WDR64: variants seen among roughly 807,000 people sequenced by gnomAD.
The protein encoded by WDR64 is WD repeat domain 64.
WDR64 carries 112 observed loss-of-function variants against 139.3 expected under a neutral mutation model. The observed-to-expected ratio is 0.80, with a 90% CI of 0.69 to 0.94. WDR64 has a LOEUF of 0.94. Among genes scored for constraint, WDR64 ranks in the 40% least tolerant of loss-of-function variants. The pLI, the probability that WDR64 is intolerant of heterozygous loss-of-function variation, is 0.00. For synonymous variants in WDR64, 444 were observed against 437.7 expected (o/e 1.01, Z -0.18); for missense variants, 1,206 against 1,293.1 (o/e 0.93, Z 1.03).
intron 8 of WDR64, among the ~76,000 whole-genome samples, chr1:241,692,805 C>T (rs1667349895): frequency 6.6e-6 from 1 of 151,942 alleles, no homozygotes; most frequent in African/African-American, 2.4e-5. Flanking sequence ...GGGAAATAAG[C>T]ATAAGAAAGG....
chr1:241,768,045 A>G (rs978637519), intron 16 of WDR64, among the ~76,000 whole-genome samples: 7 of 152,244 alleles, frequency 4.6e-5, no homozygotes, highest in Non-Finnish European at 1.0e-4. Flanking sequence ...GAAATCAGAT[A>G]GACTAAGAAG....
intron 16 of WDR64, among the ~76,000 whole-genome samples, chr1:241,767,932 C>A (rs1658254446): frequency 6.6e-6 from 1 of 152,084 alleles, no homozygotes; most frequent in South Asian, 2.1e-4. Flanking sequence ...ACATTGTCTA[C>A]CTGCCACTTG....
intron 20 of WDR64, among the ~76,000 whole-genome samples, chr1:241,773,484 T>G (rs751560538): frequency 2.6e-5 from 4 of 152,212 alleles, no homozygotes; most frequent in Non-Finnish European, 4.4e-5. Flanking sequence ...TTGTTTGTTT[T>G]TTTAAGATGG....
chr1:241,750,495 T>A (rs1669938845), intron 14 of WDR64, among the ~76,000 whole-genome samples: 1 of 152,208 alleles, frequency 6.6e-6, no homozygotes, highest in Non-Finnish European at 1.5e-5. Context: ...CTTGTCTGAG[T>A]AATCCAAAAT....
intron 24 of WDR64, among the ~76,000 whole-genome samples, chr1:241,789,890 TA>T (rs148644236): frequency 0.041 from 6,266 of 151,958 alleles, 339 homozygotes; most frequent in East Asian, 0.28. Context: ...AAATAAAAGT[TA>T]AAAAAAATAG....
intron 2 of WDR64, among the ~76,000 whole-genome samples, chr1:241,668,801 C>T (rs79310779): frequency 0.032 from 4,879 of 151,708 alleles, 98 homozygotes; most frequent in Non-Finnish European, 0.052. Context: ...TCCAGCTACT[C>T]GGGCAGGAGA....
In WDR64 at chr1:241,744,466, C is replaced by T. The variant is rs1669673012; in HGVS notation, c.1544C>T (p.Ser515Phe). The T allele has an allele frequency of 3.7e-6, 6 of 1,614,050 alleles. No individual in the cohort carries two copies. In the East Asian group the frequency reaches 1.3e-4, roughly 36 times the overall value. The change falls in exon 13 of 28, where the codon TCT becomes TTT. Residue 515 changes from serine to phenylalanine, a missense_variant. Transcript: ENST00000437684. ...EPHGFNTEVT[S>F]AAVDESGFLF... The stretch of plus-strand genomic sequence containing the variant: ...CATGGTTTCAATACTGAAGTGACTT[C>T]TGCAGCTGTCGATGAAAGTGGATTT...
chr1:241,733,670 A>C (rs1370577230), intron 10 of WDR64, among the ~76,000 whole-genome samples: 1 of 150,702 alleles, frequency 6.6e-6, no homozygotes, highest in Non-Finnish European at 1.5e-5. Flanking sequence ...TATGTATATA[A>C]TATTTAATTT....
At chr1:241,677,057 T>G (rs1008821929) in intron 4 of WDR64, among the ~76,000 whole-genome samples, 1 of 152,182 alleles carries the variant, frequency 6.6e-6, no homozygotes, top group African/African-American at 2.4e-5. Context: ...AATTCATAAT[T>G]TAGGCTCTAT....
At chr1:241,783,423 G>A (rs1274934667) in intron 23 of WDR64, 42 bp downstream of exon 23, 3 of 1,440,264 alleles carry the variant, frequency 2.1e-6, no homozygotes, top group African/African-American at 2.8e-5. Context: ...AGTACTGTGA[G>A]CATGAGAGGT....
At position 241,705,709 on chromosome 1, in the gene WDR64, T is replaced by G. The variant is rs1003010916; in HGVS notation, c.975-6093T>G. Among the ~76,000 whole-genome samples, 13 of 152,206 alleles carry G rather than the reference T, an allele frequency of 8.5e-5. No individual in the cohort carries two copies. The Middle Eastern group carries it at 0.014, about 160-fold the overall frequency. ...ATCAAGCAATCCTCCTGCCTCAGCC[T>G]CCTGAGTGGCTGCAGATACAGATGT... On this transcript the variant is annotated intron_variant, in intron 8 of 27. Coordinates refer to ENST00000437684, the MANE Select transcript of WDR64 (RefSeq NM_001367482.1).
rs150907211 is a variant in WDR64, at chr1:241,701,429, C to T, written c.975-10373C>T. 5.9e-3 allele frequency among the ~76,000 whole-genome samples: 894 copies of T among 152,276 alleles called. 6 individuals are homozygous for T. Among genetic ancestry groups the T allele is most frequent in the African/African-American group, 0.021 (861 of 41,560 alleles). On this transcript the variant is annotated intron_variant, in intron 8 of 27. Coordinates refer to ENST00000437684, the MANE Select transcript of WDR64 (RefSeq NM_001367482.1). Reference sequence around the variant, plus strand: ...GGGGCATTAAGTTCCTACTCTCCATCGTGTTCCACAGGTTTGGTACTCAGT... The same window carrying T: ...GGGGCATTAAGTTCCTACTCTCCATTGTGTTCCACAGGTTTGGTACTCAGT...
At chr1:241,790,118 A>T (rs1366441655) in intron 24 of WDR64, among the ~76,000 whole-genome samples, 1 of 152,312 alleles carries the variant, frequency 6.6e-6, no homozygotes, top group East Asian at 1.9e-4. Context: ...TAGGAGGCTG[A>T]GGCAGGCAGA....
chr1:241,741,618 A>T lies in WDR64; in HGVS notation c.1424A>T (p.Lys475Ile). 6.2e-7 allele frequency: 1 copy of T among 1,613,288 alleles called. No homozygotes were observed. Residue 475 changes from lysine (K) to isoleucine (I), a missense_variant, in exon 12 of 28, where the codon AAA becomes ATA. By Grantham distance (102) the Lys-to-Ile change is moderately radical. Coordinates refer to ENST00000437684, the MANE Select transcript of WDR64 (RefSeq NM_001367482.1). ...GAAATCAATGTCATGCTTTACAACA[A>T]ATATTTTCATCAAGTACTCACTATC... is the stretch of plus-strand genomic sequence containing the variant. ...EREINVMLYN[K>I]YFHQVLTICS...
intron 8 of WDR64, 73 bp from the exon 9 acceptor site, chr1:241,711,728 TA>T: frequency 6.8e-7 from 1 of 1,469,448 alleles, no homozygotes; most frequent in Non-Finnish European, 9.4e-7. Flanking sequence ...CTATCAAACA[TA>T]ATCTATTTAT....
At chr1:241,674,768 T>C (rs1666401447) in intron 4 of WDR64, 21 bp downstream of exon 4, 1 of 1,394,604 alleles carries the variant, frequency 7.2e-7, no homozygotes, top group Non-Finnish European at 9.9e-7. Flanking sequence ...TTTCTTTTTT[T>C]AACTGAATGA....
intron 16 of WDR64, among the ~76,000 whole-genome samples, chr1:241,767,585 A>G (rs1658232477): frequency 6.6e-6 from 1 of 152,204 alleles, no homozygotes; most frequent in Non-Finnish European, 1.5e-5. Context: ...AAGAGATATA[A>G]AAGAGGAGAG....
At chr1:241,711,683 G>A in intron 8 of WDR64, 119 bp from the exon 9 acceptor site, 1 of 937,282 alleles carries the variant, frequency 1.1e-6, no homozygotes, top group East Asian at 2.6e-5. Flanking sequence ...TACGGCCTGG[G>A]GGCAAATGGA....
chr1:241,757,102 G>A (rs925022474), intron 14 of WDR64, among the ~76,000 whole-genome samples, 181 bp from the exon 15 acceptor site: 1 of 152,084 alleles, frequency 6.6e-6, no homozygotes, highest in African/African-American at 2.4e-5. Context: ...TCACATTACT[G>A]GTTACTCTAG....
Sources: allele counts gnomAD v4.1 joint callset (sites outside exome capture counted in the v4.1 genomes callset), GRCh38; gene constraint gnomAD v4.1.1; transcripts MANE v1.5; gene names NCBI Gene and HGNC (gene_info 2026-07-23, HGNC 2026-07-21).